The following QKI variants were observed in gnomAD, a reference collection of about 807,000 sequenced individuals.
QKI encodes QKI, KH domain containing RNA binding, also known as KH domain-containing RNA-binding protein QKI.
QKI carries 10 observed loss-of-function variants against 39.0 expected under a neutral mutation model. The observed-to-expected ratio is 0.26, with a 90% CI of 0.16 to 0.43. The LOEUF (loss-of-function observed/expected upper bound fraction) is 0.43, where lower values mean the gene tolerates loss of function less well. Ranked by LOEUF, QKI falls within the 20% of genes least tolerant of loss-of-function variation. QKI has a pLI of 1.00. For missense variants in QKI, 218 were observed against 428.0 expected, an observed-to-expected ratio of 0.51 and a Z score of 4.33; for synonymous variants, 204 against 155.4, an observed-to-expected ratio of 1.31 and a Z score of -2.33.
intron 4 of QKI, among the ~76,000 whole-genome samples, chr6:163,537,089 T>A (rs916244172): frequency 6.6e-6 from 1 of 152,082 alleles, no homozygotes; most frequent in African/African-American, 2.4e-5. Context: ...ATGCCTATAG[T>A]CCCAGCTACT....
At chr6:163,456,027 C>T (rs1037269251) in intron 2 of QKI, among the ~76,000 whole-genome samples, 6 of 152,236 alleles carry the variant, frequency 3.9e-5, no homozygotes, top group South Asian at 4.1e-4. Flanking sequence ...ATGATTTTCC[C>T]TCTTCTTTAC....
At chr6:163,517,041 C>CACAT (rs1179963853) in intron 3 of QKI, among the ~76,000 whole-genome samples, 1 of 90,800 alleles carries the variant, frequency 1.1e-5, no homozygotes, top group East Asian at 7.2e-4. Context: ...AGGGGACACA[C>CACAT]ACACACACAC....
chr6:163,449,810 T>TA (rs1205830777), intron 1 of QKI, among the ~76,000 whole-genome samples: 1 of 152,144 alleles, frequency 6.6e-6, no homozygotes, highest in East Asian at 1.9e-4. Flanking sequence ...TACACAGCCT[T>TA]AGCTATGTAT....
intron 1 of QKI, among the ~76,000 whole-genome samples, chr6:163,435,824 A>G (rs558034709): frequency 6.6e-5 from 10 of 152,330 alleles, no homozygotes; most frequent in South Asian, 4.1e-4. Context: ...AATGTTTGTC[A>G]TATAAATGAT....
At chr6:163,520,097 A>G (rs1367672508) in intron 3 of QKI, among the ~76,000 whole-genome samples, 2 of 152,164 alleles carry the variant, frequency 1.3e-5, no homozygotes, top group Non-Finnish European at 2.9e-5. Flanking sequence ...ATATGGGTTG[A>G]TAATAGGGAG....
intron 4 of QKI, among the ~76,000 whole-genome samples, chr6:163,552,206 CTTTTTTTTTTTTTT>C (rs35060699): frequency 9.8e-6 from 1 of 101,770 alleles, no homozygotes; most frequent in Non-Finnish European, 1.8e-5. Context: ...TTCGTTCGTT[CTTTTTTTTTTTTTT>C]TTTTTTTTGA....
intron 7 of QKI, 174 bp from the exon 8 acceptor site, chr6:163,570,520 T>C (rs1157593009): frequency 2.0e-6 from 2 of 984,822 alleles, no homozygotes; most frequent in African/African-American, 3.5e-5. Flanking sequence ...ATGATTTTAA[T>C]TGTATTCTGT....
chr6:163,489,415 G>T (rs1226623703), intron 3 of QKI, among the ~76,000 whole-genome samples: 2 of 109,610 alleles, frequency 1.8e-5, no homozygotes, highest in Non-Finnish European at 3.9e-5. Context: ...CACTTTCAAA[G>T]AAGTTATGCT....
intron 7 of QKI, 110 bp from the exon 8 acceptor site, chr6:163,570,584 G>T: frequency 6.7e-6 from 10 of 1,500,554 alleles, no homozygotes; most frequent in East Asian, 2.5e-5. Flanking sequence ...TTTATTAGTT[G>T]TGATTAGTTT....
intron 4 of QKI, among the ~76,000 whole-genome samples, chr6:163,551,932 A>G (rs1336846375): frequency 6.6e-6 from 1 of 152,202 alleles, no homozygotes; most frequent in Non-Finnish European, 1.5e-5. Context: ...ACTTTTGACC[A>G]TAGTAGGGAT....
Position 163,419,014 on chromosome 6 carries a change from A to G in QKI, c.142+3679A>G, listed in dbSNP as rs142618721. Among the ~76,000 whole-genome samples the G allele has an allele frequency of 7.5e-4, 114 of 152,248 alleles. 1 individual carries two copies. In the East Asian group the frequency reaches 0.015, roughly 20 times the overall value. ...AGAACAGTCAATCTTTTTATCGTGG[A>G]TATCAGAAAAATTAGTGTGTGGCTC... On this transcript the variant is annotated intron_variant, in intron 1 of 7. Transcript: ENST00000361752.
At chr6:163,557,210 C>T (rs1381489282) in intron 4 of QKI, among the ~76,000 whole-genome samples, 1 of 152,132 alleles carries the variant, frequency 6.6e-6, no homozygotes, top group African/African-American at 2.4e-5. Flanking sequence ...AAATTGAACA[C>T]AAAATATTAT....
intron 7 of QKI, chr6:163,569,243 CAGTATTTTTGT>C (rs1783559535): frequency 2.1e-6 from 2 of 969,284 alleles, no homozygotes; most frequent in South Asian, 9.1e-5. Flanking sequence ...ATTGAAGATA[CAGTATTTTTGT>C]AGTATTTATA....
intron 3 of QKI, among the ~76,000 whole-genome samples, chr6:163,496,040 A>G (rs1466985809): frequency 6.6e-6 from 1 of 152,180 alleles, no homozygotes; most frequent in Non-Finnish European, 1.5e-5. Flanking sequence ...CAATTTTCGT[A>G]TCATTCCCTT....
chr6:163,433,500 C>T (rs1788999037), intron 1 of QKI, among the ~76,000 whole-genome samples: 1 of 152,178 alleles, frequency 6.6e-6, no homozygotes, highest in African/African-American at 2.4e-5. Flanking sequence ...GGCACGGTGG[C>T]TCATGCCTGT....
intron 2 of QKI, chr6:163,457,400 T>C: frequency 2.2e-6 from 1 of 456,010 alleles, no homozygotes; most frequent in Non-Finnish European, 4.4e-6. Flanking sequence ...CTTGCCACGG[T>C]GAACTACTAT....
chr6:163,471,828 A>G (rs1023262384), intron 2 of QKI, among the ~76,000 whole-genome samples: 1 of 123,880 alleles, frequency 8.1e-6, no homozygotes, highest in Non-Finnish European at 1.8e-5. Context: ...CAATGAAGAA[A>G]CAACTCATTT....
At chr6:163,492,534 A>G (rs1778122374) in intron 3 of QKI, among the ~76,000 whole-genome samples, 1 of 152,206 alleles carries the variant, frequency 6.6e-6, no homozygotes, top group Admixed American at 6.5e-5. Context: ...AATAGAAATT[A>G]TAGCAGATAG....
rs561826157 is a variant in QKI at position 163,468,063 on chromosome 6, A to T, written c.286-10717A>T. ...CTTCTCTCATCTTACATACTTGTAT[A>T]AGATAGGCCCACTAGTGTTGACTAG... On this transcript the variant is annotated intron_variant, in intron 2 of 7. Transcript: ENST00000361752. 5.3e-5 allele frequency among the ~76,000 whole-genome samples: 8 copies of T among 152,300 alleles called. No homozygotes were observed. The East Asian group carries it at 1.5e-3, about 29-fold the overall frequency.
Sources: allele counts gnomAD v4.1 joint callset (sites outside exome capture counted in the v4.1 genomes callset), GRCh38; gene constraint gnomAD v4.1.1; transcripts MANE v1.5; gene names NCBI Gene and HGNC (gene_info 2026-07-23, HGNC 2026-07-21).